The following TERB2 variants were observed in gnomAD, a reference collection of about 807,000 sequenced individuals.
TERB2 encodes telomere repeats-binding bouquet formation protein 2.
A neutral mutation model predicts 29.8 loss-of-function variants in TERB2; 26 were observed. The ratio of observed to expected loss-of-function variants is 0.87; its 90% CI spans 0.64 to 1.21. The LOEUF is 1.21. TERB2 is among the 50% of genes most tolerant of loss of function. TERB2 has a pLI of 0.00. For synonymous variants in TERB2, 80 were observed against 90.8 expected (o/e 0.88, Z 0.68); for missense variants, 240 against 268.6 (o/e 0.89, Z 0.74).
intron 3 of TERB2, among the ~76,000 whole-genome samples, chr15:44,960,778 T>G (rs1184480938): frequency 1.3e-5 from 2 of 152,042 alleles, no homozygotes; most frequent in Admixed American, 1.3e-4. Flanking sequence ...TCTAGAGTAA[T>G]ATTACCTTTT....
chr15:44,966,301 G>A, intron 5 of TERB2, 58 bp downstream of exon 5: 1 of 1,045,192 alleles, frequency 9.6e-7, no homozygotes, highest in Non-Finnish European at 1.3e-6. Context: ...TGTGAGCACT[G>A]ATTGTGTGCT....
intron 5 of TERB2, among the ~76,000 whole-genome samples, chr15:44,973,211 C>G (rs1891996723): frequency 6.6e-6 from 1 of 152,092 alleles, no homozygotes; most frequent in African/African-American, 2.4e-5. Flanking sequence ...TTATAGTAAA[C>G]TATGGAAATA....
intron 6 of TERB2, among the ~76,000 whole-genome samples, chr15:44,976,529 T>C (rs1406422092): frequency 1.3e-5 from 2 of 152,122 alleles, no homozygotes; most frequent in East Asian, 3.9e-4. Context: ...AAAAAAGCCA[T>C]AGTCTTTTTT....
chr15:44,967,236 G>C (rs924621479), intron 5 of TERB2, among the ~76,000 whole-genome samples: 1 of 152,222 alleles, frequency 6.6e-6, no homozygotes, highest in Non-Finnish European at 1.5e-5. Context: ...AATTCAGTTG[G>C]TTTTCAAATA....
intron 2 of TERB2, 74 bp from the exon 3 acceptor site, chr15:44,958,295 GATTT>G (rs1435925437): frequency 1.7e-4 from 256 of 1,470,194 alleles, no homozygotes; most frequent in Non-Finnish European, 1.1e-4. Context: ...TACTTCCAGT[GATTT>G]ATTTATTCTT....
intron 2 of TERB2, 44 bp from the exon 3 acceptor site, chr15:44,958,329 C>T (rs1172095487): frequency 6.4e-7 from 1 of 1,554,174 alleles, no homozygotes; most frequent in Non-Finnish European, 8.7e-7. Flanking sequence ...TAAATACATT[C>T]TTGTTTCTTT....
At chr15:44,973,292 T>C (rs1042171061) in intron 5 of TERB2, among the ~76,000 whole-genome samples, 4 of 152,240 alleles carry the variant, frequency 2.6e-5, no homozygotes, top group African/African-American at 7.2e-5. Context: ...GAATCTACTA[T>C]GCTTTTCTTT....
chr15:44,968,480 C>T (rs905872807), intron 5 of TERB2, among the ~76,000 whole-genome samples: 2 of 151,952 alleles, frequency 1.3e-5, no homozygotes, highest in African/African-American at 4.8e-5. Flanking sequence ...TTCAGCCTCC[C>T]AAAGTTCTGG....
intron 2 of TERB2, among the ~76,000 whole-genome samples, chr15:44,958,045 C>T (rs1891746086): frequency 6.6e-6 from 1 of 152,046 alleles, no homozygotes; most frequent in South Asian, 2.1e-4. Flanking sequence ...TTAATTGATC[C>T]CTCTTTATAG....
chr15:44,959,894 T>C (rs1278661103), intron 3 of TERB2, among the ~76,000 whole-genome samples: 1 of 152,200 alleles, frequency 6.6e-6, no homozygotes, highest in Non-Finnish European at 1.5e-5. Context: ...TTAAAAATTA[T>C]TTCTATAAAA....
chr15:44,960,011 A>G (rs1891776850), intron 3 of TERB2, among the ~76,000 whole-genome samples: 1 of 152,224 alleles, frequency 6.6e-6, no homozygotes, highest in African/African-American at 2.4e-5. Flanking sequence ...ACATAAATCA[A>G]TTAATGACTG....
At chr15:44,957,049 A>C (rs1891726928) in intron 2 of TERB2, 72 bp downstream of exon 2, 1 of 1,469,524 alleles carries the variant, frequency 6.8e-7, no homozygotes, top group Admixed American at 1.8e-5. Flanking sequence ...GTTGCAGTCC[A>C]CTAATAAATA....
chr15:44,962,929 C>T (rs575238637), intron 4 of TERB2: 4 of 151,468 alleles, frequency 2.6e-5, no homozygotes, highest in East Asian at 3.9e-4. Flanking sequence ...GCATTCCATA[C>T]GTGTATATGA....
chr15:44,973,467 T>C (rs1891999916), intron 5 of TERB2: 1 of 152,218 alleles, frequency 6.6e-6, no homozygotes, highest in Non-Finnish European at 1.5e-5. Context: ...TGGGTCTTTA[T>C]ATTACTTAAA....
intron 4 of TERB2, among the ~76,000 whole-genome samples, chr15:44,965,218 G>T (rs1325477955): frequency 6.9e-6 from 1 of 145,962 alleles, no homozygotes; most frequent in Non-Finnish European, 1.5e-5. Flanking sequence ...CTTCTTACTG[G>T]TATATAAAAT....
Position 44,970,496 on chromosome 15 carries a change from A to G in TERB2, c.435-3371A>G, listed in dbSNP as rs542419261. 49 of 177,542 alleles carry G rather than the reference A, an allele frequency of 2.8e-4. No individual in the cohort carries two copies. The Middle Eastern group carries it at 3.8e-3, about 14-fold the overall frequency. The allele number at this position is 177,542 out of a possible 1,614,324, so 11.0% of individuals were successfully genotyped here. On this transcript the variant is annotated intron_variant, in intron 5 of 6. Transcript: ENST00000340827. ...CTAGCATTTGAGTCACCAGATATAA[A>G]TTAGACATTTATCTCTTCAGTTGCC...
At chr15:44,978,030 CT>C (rs990764330) in intron 6 of TERB2, among the ~76,000 whole-genome samples, 2 of 152,158 alleles carry the variant, frequency 1.3e-5, no homozygotes, top group South Asian at 2.1e-4. Flanking sequence ...TTTTCATTAA[CT>C]TTTTTTGTTA....
At chr15:44,962,862 G>T (rs1429823485) in intron 4 of TERB2, 1 of 152,118 alleles carries the variant, frequency 6.6e-6, no homozygotes, top group African/African-American at 2.4e-5. Context: ...TACTAAAATT[G>T]GAACAATACA....
intron 4 of TERB2, among the ~76,000 whole-genome samples, chr15:44,965,445 T>C: frequency 6.9e-6 from 1 of 144,192 alleles, no homozygotes; most frequent in Non-Finnish European, 1.5e-5. Flanking sequence ...AATATATAAA[T>C]ATATATTTAT....
Sources: allele counts gnomAD v4.1 joint callset (sites outside exome capture counted in the v4.1 genomes callset), GRCh38; gene constraint gnomAD v4.1.1; transcripts MANE v1.5; gene names NCBI Gene and HGNC (gene_info 2026-07-23, HGNC 2026-07-21).